SLC5A3: variants seen among roughly 807,000 people sequenced by gnomAD.
SLC5A3 encodes the protein sodium/myo-inositol cotransporter.
In SLC5A3, 10 loss-of-function variants were observed where a neutral mutation model predicts 43.2. The observed-to-expected ratio is 0.23, with a 90% CI of 0.14 to 0.39. The LOEUF is 0.39. SLC5A3 is among the 10% of genes least tolerant of loss of function. SLC5A3 has a pLI of 1.00. For synonymous variants in SLC5A3, 349 were observed against 322.0 expected (o/e 1.08, Z -0.90); for missense variants, 608 against 893.4 (o/e 0.68, Z 4.07).
At chr21:34,085,881 T>C (rs978835832) in intron 1 of SLC5A3, among the ~76,000 whole-genome samples, 27 of 152,134 alleles carry the variant, frequency 1.8e-4, no homozygotes, top group African/African-American at 4.8e-4. Flanking sequence ...GGATTACAGG[T>C]GTGAGCCACT....
At chr21:34,074,641 A>C (rs1212134555) in intron 1 of SLC5A3, among the ~76,000 whole-genome samples, 1 of 152,156 alleles carries the variant, frequency 6.6e-6, no homozygotes, top group Admixed American at 6.5e-5. Context: ...TCTCCCGTGA[A>C]TTCGGAATTC....
At chr21:34,087,823 A>G (rs1365620417) in intron 1 of SLC5A3, among the ~76,000 whole-genome samples, 1 of 152,222 alleles carries the variant, frequency 6.6e-6, no homozygotes, top group African/African-American at 2.4e-5. Context: ...TGGAATGGTG[A>G]TTTGAACTAA....
chr21:34,094,026 G>A (rs75258444), intron 1 of SLC5A3, among the ~76,000 whole-genome samples: 1,756 of 152,184 alleles, frequency 0.012, 39 homozygotes, highest in South Asian at 0.081. Context: ...ATAAAATCAC[G>A]CCTTTAGTCA....
chr21:34,091,517 T>C (rs1349516869), intron 1 of SLC5A3, among the ~76,000 whole-genome samples: 2 of 152,212 alleles, frequency 1.3e-5, no homozygotes, highest in Non-Finnish European at 2.9e-5. Context: ...CATGGTTATA[T>C]CACCTGAAGG....
chr21:34,085,950 A>G (rs987157769), intron 1 of SLC5A3, among the ~76,000 whole-genome samples: 4 of 152,194 alleles, frequency 2.6e-5, no homozygotes, highest in Non-Finnish European at 4.4e-5. Context: ...CCTAACTACA[A>G]TTCCTTAACA....
rs1352629590 is a variant in SLC5A3, at chr21:34,099,590, G to A, written c.*2235G>A. On this transcript the variant is annotated 3_prime_UTR_variant, in exon 2 of 2. Coordinates refer to ENST00000381151, the MANE Select transcript of SLC5A3 (RefSeq NM_006933.7). The stretch of plus-strand genomic sequence containing the variant: ...CTTCCATATCCAGCGTAAATGAATA[G>A]GAGGTGTTTGTGATTTTTTTTTTCT... 1.0e-6 allele frequency: 1 copy of A among 999,206 alleles called. No individual in the cohort carries two copies. Among genetic ancestry groups the A allele is most frequent in the Admixed American group, 6.2e-5 (1 of 16,192 alleles). 61.9% of individuals were successfully genotyped at this position (999,206 alleles called of 1,614,324 possible). A position where few individuals can be genotyped will look rare whatever the true frequency, so the allele number is the denominator to read the frequency against.
At chr21:34,082,023 C>T (rs1157245027) in intron 1 of SLC5A3, among the ~76,000 whole-genome samples, 5 of 151,206 alleles carry the variant, frequency 3.3e-5, no homozygotes, top group Non-Finnish European at 5.9e-5. Flanking sequence ...TTCCTCCTAC[C>T]AGCCAGAAAT....
rs549386603 is a variant in SLC5A3, at chr21:34,092,979, T to C, written c.-336-1884T>C. Among the ~76,000 whole-genome samples, 3 of 152,266 alleles carry C rather than the reference T, an allele frequency of 2.0e-5. No individual in the cohort carries two copies. In the East Asian group the frequency reaches 5.8e-4, roughly 29 times the overall value. On this transcript the variant is annotated intron_variant, in intron 1 of 1. Coordinates refer to ENST00000381151, the MANE Select transcript of SLC5A3 (RefSeq NM_006933.7). ...GGTTTCATAACTGCGAACAGCAGTT[T>C]TCATTGTAATTGACACAGCAGTTTT...
chr21:34,104,314 T>C lies in SLC5A3; in HGVS notation c.*6959T>C, dbSNP rs9981288. 4.7e-3 allele frequency: 4,744 copies of C among 1,000,048 alleles called. 189 individuals carry two copies. In the African/African-American group the frequency reaches 0.075, roughly 16 times the overall value. The allele number at this position is 1,000,048 out of a possible 1,614,324, so 61.9% of individuals were successfully genotyped here. A position where few individuals can be genotyped will look rare whatever the true frequency, so the allele number is the denominator to read the frequency against. On this transcript the variant is annotated 3_prime_UTR_variant, in exon 2 of 2. Coordinates refer to ENST00000381151, the MANE Select transcript of SLC5A3 (RefSeq NM_006933.7). ...GTCTAGATGAGATGAAATCTGTTAA[T>C]GTGTGTGTAGAAGAAAACGTATGTT...
intron 1 of SLC5A3, among the ~76,000 whole-genome samples, chr21:34,088,119 C>A (rs1978489659): frequency 6.6e-6 from 1 of 152,182 alleles, no homozygotes. Context: ...TGTGAGAACC[C>A]TTGCATTTGT....
chr21:34,105,074 A>T lies in SLC5A3; in HGVS notation c.*7719A>T. On this transcript the variant is annotated 3_prime_UTR_variant, in exon 2 of 2. Coordinates refer to ENST00000381151, the MANE Select transcript of SLC5A3 (RefSeq NM_006933.7). ...CATAGACTTTTCTGTGGGGTTATTA[A>T]AATGCAAAAGCTTTATTTTTTTTAA... 1.0e-6 allele frequency: 1 copy of T among 1,000,204 alleles called. No individual in the cohort carries two copies. The highest frequency in any genetic ancestry group is 1.2e-6 in the Non-Finnish European group (1 of 829,928). 62.0% of individuals were successfully genotyped at this position (1,000,204 alleles called of 1,614,324 possible). A position where few individuals can be genotyped will look rare whatever the true frequency, so the allele number is the denominator to read the frequency against.
intron 1 of SLC5A3, among the ~76,000 whole-genome samples, chr21:34,074,517 C>T (rs138686056): frequency 2.0e-5 from 3 of 152,304 alleles, no homozygotes; most frequent in Admixed American, 1.3e-4. Flanking sequence ...AGCGAACCAG[C>T]GGCCCCTTTC....
At chr21:34,082,676 C>T (rs1989485748) in intron 1 of SLC5A3, among the ~76,000 whole-genome samples, 1 of 152,050 alleles carries the variant, frequency 6.6e-6, no homozygotes, top group South Asian at 2.1e-4. Flanking sequence ...TATTTTTGAC[C>T]AGGCTTTGTG....
Position 34,104,785 on chromosome 21 carries a change from G to A in SLC5A3, c.*7430G>A, listed in dbSNP as rs562856763. ...TAGCAACATGTGATAATGCAAAGCTGTTATAACCTGTTAATCCTACGTACT... is the reference window on the plus strand; with the variant it reads ...TAGCAACATGTGATAATGCAAAGCTATTATAACCTGTTAATCCTACGTACT... On this transcript the variant is annotated 3_prime_UTR_variant, in exon 2 of 2. Transcript: ENST00000381151. The A allele has an allele frequency of 7.0e-6, 7 of 1,000,020 alleles. No individual in the cohort carries two copies. The highest frequency in any genetic ancestry group is 6.1e-5 in the Admixed American group (1 of 16,278). 61.9% of individuals were successfully genotyped at this position (1,000,020 alleles called of 1,614,324 possible).
rs1250000429 is a variant in SLC5A3 at position 34,073,589 on chromosome 21, C to A, written c.-493C>A. 16 of 946,202 alleles carry A rather than the reference C, an allele frequency of 1.7e-5. No homozygotes were observed. In the South Asian group the frequency reaches 2.2e-4, roughly 13 times the overall value. The allele number at this position is 946,202 out of a possible 1,614,324, so 58.6% of individuals were successfully genotyped here. A position where few individuals can be genotyped will look rare whatever the true frequency, so the allele number is the denominator to read the frequency against. Reference sequence around the variant, plus strand: ...CGCTCTCGGACCGTGCTTTCGCCGCCTGGGAGCCGTCCGGCGCAGCAGTTT... The same window carrying A: ...CGCTCTCGGACCGTGCTTTCGCCGCATGGGAGCCGTCCGGCGCAGCAGTTT... On this transcript the variant is annotated 5_prime_UTR_variant, in exon 1 of 2. It adds an upstream start codon to the 5' untranslated region. Transcript: ENST00000381151.
chr21:34,080,673 A>C (rs993337919), intron 1 of SLC5A3, among the ~76,000 whole-genome samples: 2 of 152,186 alleles, frequency 1.3e-5, no homozygotes, highest in African/African-American at 4.8e-5. Flanking sequence ...TCTACTTTGT[A>C]TTACAGTTAA....
At position 34,103,456 on chromosome 21, in the gene SLC5A3, T is replaced by C; in HGVS notation, c.*6101T>C. ...ATATCCATTAAAAACTTAAAGTTAC[T>C]TATGTTCTGTGATCTTAATTTTGTT... On this transcript the variant is annotated 3_prime_UTR_variant, in exon 2 of 2. Transcript: ENST00000381151. 1.0e-6 allele frequency: 1 copy of C among 998,938 alleles called. No individual in the cohort carries two copies. Among genetic ancestry groups the C allele is most frequent in the Non-Finnish European group, 1.2e-6 (1 of 828,786 alleles). 61.9% of individuals were successfully genotyped at this position (998,938 alleles called of 1,614,324 possible). A position where few individuals can be genotyped will look rare whatever the true frequency, so the allele number is the denominator to read the frequency against.
intron 1 of SLC5A3, among the ~76,000 whole-genome samples, chr21:34,084,215 C>G (rs1050879290): frequency 1.3e-5 from 2 of 152,094 alleles, no homozygotes; most frequent in Admixed American, 1.3e-4. Context: ...AGAGGAAATA[C>G]CCTAATTTCT....
In SLC5A3 at chr21:34,099,395, G is replaced by A. The variant is rs1368557681; in HGVS notation, c.*2040G>A. ...CAAATGGTTGTCAATGTTTTGTCCTGTTTTTTCAAAGGAACTGTTCTTCCT... is the reference window on the plus strand; with the variant it reads ...CAAATGGTTGTCAATGTTTTGTCCTATTTTTTCAAAGGAACTGTTCTTCCT... On this transcript the variant is annotated 3_prime_UTR_variant, in exon 2 of 2. Coordinates refer to ENST00000381151, the MANE Select transcript of SLC5A3 (RefSeq NM_006933.7). 1 of 1,000,108 alleles carries A rather than the reference G, an allele frequency of 1.0e-6. No homozygotes were observed. Among genetic ancestry groups the A allele is most frequent in the Non-Finnish European group, 1.2e-6 (1 of 829,960 alleles). 62.0% of individuals were successfully genotyped at this position (1,000,108 alleles called of 1,614,324 possible). A position where few individuals can be genotyped will look rare whatever the true frequency, so the allele number is the denominator to read the frequency against.
Sources: allele counts gnomAD v4.1 joint callset (sites outside exome capture counted in the v4.1 genomes callset), GRCh38; gene constraint gnomAD v4.1.1; transcripts MANE v1.5; gene names NCBI Gene and HGNC (gene_info 2026-07-23, HGNC 2026-07-21).